The following PPM1E variants were observed in gnomAD, a reference collection of about 807,000 sequenced individuals.
The protein encoded by PPM1E is protein phosphatase 1E.
PPM1E carries 20 observed loss-of-function variants against 65.9 expected under a neutral mutation model. That is an observed-to-expected ratio of 0.30 (90% confidence interval 0.21 to 0.44). The LOEUF is 0.44. PPM1E is among the 20% of genes least tolerant of loss of function. The pLI is 1.00. For synonymous variants in PPM1E, 352 were observed against 374.9 expected (o/e 0.94, Z 0.70); for missense variants, 713 against 953.1 (o/e 0.75, Z 3.32).
intron 6 of PPM1E, among the ~76,000 whole-genome samples, chr17:58,977,710 CT>C (rs2031099265): frequency 6.6e-6 from 1 of 152,092 alleles, no homozygotes; most frequent in South Asian, 2.1e-4. Flanking sequence ...GCTTTCTAGC[CT>C]ATTTGAGGAT....
chr17:58,857,034 C>T (rs182339450), intron 1 of PPM1E, among the ~76,000 whole-genome samples: 8 of 152,208 alleles, frequency 5.3e-5, no homozygotes. Context: ...TCAGTTTAAC[C>T]TATTTTTTGC....
At chr17:58,832,489 A>G (rs1024938773) in intron 1 of PPM1E, among the ~76,000 whole-genome samples, 3 of 152,198 alleles carry the variant, frequency 2.0e-5, no homozygotes, top group Non-Finnish European at 1.5e-5. Flanking sequence ...ATAGAGAGAG[A>G]GACCTGAAAC....
At chr17:58,935,229 G>A (rs1420835461) in intron 1 of PPM1E, among the ~76,000 whole-genome samples, 2 of 141,370 alleles carry the variant, frequency 1.4e-5, no homozygotes, top group Non-Finnish European at 3.0e-5. Context: ...CAGCCTGGGC[G>A]ACAGAACTAG....
At chr17:58,866,470 A>G (rs1165204683) in intron 1 of PPM1E, among the ~76,000 whole-genome samples, 2 of 152,224 alleles carry the variant, frequency 1.3e-5, no homozygotes, top group Admixed American at 6.5e-5. Flanking sequence ...TGATCAGCCC[A>G]TCCTCCATGG....
intron 1 of PPM1E, among the ~76,000 whole-genome samples, chr17:58,790,052 G>A (rs1457305081): frequency 1.3e-5 from 2 of 151,948 alleles, no homozygotes; most frequent in Non-Finnish European, 2.9e-5. Flanking sequence ...TTTATTGAGG[G>A]CTTACTCTGT....
chr17:58,963,599 C>G (rs984394060), intron 2 of PPM1E, among the ~76,000 whole-genome samples: 1 of 151,978 alleles, frequency 6.6e-6, no homozygotes, highest in Non-Finnish European at 1.5e-5. Flanking sequence ...GTCCCAGCTA[C>G]TCGGGAGGCT....
chr17:58,770,889 A>G (rs1013084979), intron 1 of PPM1E, among the ~76,000 whole-genome samples: 2 of 144,968 alleles, frequency 1.4e-5, no homozygotes, highest in Admixed American at 1.4e-4. Flanking sequence ...GCGGAGTCTC[A>G]CTTTGTCGCC....
chr17:58,806,993 C>A (rs2050322625), intron 1 of PPM1E, among the ~76,000 whole-genome samples: 1 of 151,944 alleles, frequency 6.6e-6, no homozygotes, highest in East Asian at 1.9e-4. Context: ...TGTGAGCCAC[C>A]ATGCCTGGCC....
chr17:58,778,903 A>G (rs1321072838), intron 1 of PPM1E, among the ~76,000 whole-genome samples: 1 of 142,600 alleles, frequency 7.0e-6, no homozygotes, highest in Non-Finnish European at 1.5e-5. Context: ...CTATTCAAAT[A>G]TAACTAAATT....
At chr17:58,959,400 C>T (rs1323320584) in intron 2 of PPM1E, among the ~76,000 whole-genome samples, 1 of 149,854 alleles carries the variant, frequency 6.7e-6, no homozygotes, top group Non-Finnish European at 1.5e-5. Context: ...GAGATCGAGA[C>T]CATCCTGGCT....
At chr17:58,816,003 A>T (rs1454060764) in intron 1 of PPM1E, among the ~76,000 whole-genome samples, 1 of 152,138 alleles carries the variant, frequency 6.6e-6, no homozygotes, top group African/African-American at 2.4e-5. Context: ...ATCATAATGC[A>T]GATAGAATGT....
chr17:58,756,603 C>A (rs1008783287), intron 1 of PPM1E, 142 bp downstream of exon 1: 6 of 1,057,116 alleles, frequency 5.7e-6, no homozygotes, highest in Non-Finnish European at 7.3e-6. Flanking sequence ...AAAGCGCCCC[C>A]GCTGCTCGGA....
chr17:58,817,821 C>G (rs558011762), intron 1 of PPM1E, among the ~76,000 whole-genome samples: 1 of 151,916 alleles, frequency 6.6e-6, no homozygotes, highest in Non-Finnish European at 1.5e-5. Context: ...GCACGATCTC[C>G]GCTCACTGCA....
chr17:58,922,042 A>G (rs943313784), intron 1 of PPM1E, among the ~76,000 whole-genome samples: 10 of 151,324 alleles, frequency 6.6e-5, no homozygotes, highest in Admixed American at 2.6e-4. Flanking sequence ...TCCATCTCAA[A>G]AAGAAAAAAA....
At chr17:58,895,128 A>G (rs548112499) in intron 1 of PPM1E, among the ~76,000 whole-genome samples, 2 of 152,226 alleles carry the variant, frequency 1.3e-5, no homozygotes, top group Admixed American at 1.3e-4. Flanking sequence ...TGATGTTATT[A>G]TTGTAATTTT....
intron 1 of PPM1E, among the ~76,000 whole-genome samples, chr17:58,791,890 A>T (rs2144250646): frequency 6.6e-6 from 1 of 152,018 alleles, no homozygotes; most frequent in Middle Eastern, 3.4e-3. Flanking sequence ...TTTTCCTGTT[A>T]TTCCTTCCAT....
chr17:58,788,277 T>TCAAG (rs1405675465), intron 1 of PPM1E, among the ~76,000 whole-genome samples: 1 of 152,114 alleles, frequency 6.6e-6, no homozygotes. Context: ...TCTCGTACTC[T>TCAAG]TGACCTCAAG....
At chr17:58,963,502 G>C (rs1442804410) in intron 2 of PPM1E, among the ~76,000 whole-genome samples, 3 of 151,730 alleles carry the variant, frequency 2.0e-5, no homozygotes, top group East Asian at 3.9e-4. Context: ...GCCATTTGGA[G>C]ACCATCCTGG....
intron 1 of PPM1E, among the ~76,000 whole-genome samples, chr17:58,832,709 A>T (rs558043946): frequency 6.6e-6 from 1 of 152,366 alleles, no homozygotes; most frequent in South Asian, 2.1e-4. Context: ...CCCCAAAGAC[A>T]TCTTATATAA....
Sources: gnomAD v4.1 joint callset for allele counts (sites outside exome capture counted in the v4.1 genomes callset) on GRCh38, gnomAD v4.1.1 for gene constraint, MANE v1.5 for transcripts, NCBI Gene and HGNC (gene_info 2026-07-23, HGNC 2026-07-21) for gene names.